Variants in ROBO2 observed in about 807,000 individuals in gnomAD.
The protein encoded by ROBO2 is roundabout homolog 2.
In ROBO2, 53 loss-of-function variants were observed where a neutral mutation model predicts 160.8. The observed-to-expected ratio is 0.33, with a 90% CI of 0.26 to 0.41. ROBO2 has a LOEUF of 0.41. ROBO2 is among the 10% of genes least tolerant of loss of function. The pLI is 1.00. For synonymous variants in ROBO2, 664 were observed against 611.7 expected (o/e 1.09, Z -1.26); for missense variants, 1,577 against 1,722.4 (o/e 0.92, Z 1.49).
intron 2 of ROBO2, among the ~76,000 whole-genome samples, chr3:76,429,074 T>C (rs2076332538): frequency 1.3e-5 from 2 of 152,158 alleles, no homozygotes; most frequent in African/African-American, 4.8e-5. Flanking sequence ...GACTTCCTAA[T>C]ATATACCTAT....
intron 2 of ROBO2, among the ~76,000 whole-genome samples, chr3:76,839,888 A>G (rs1344833013): frequency 3.3e-5 from 5 of 152,174 alleles, no homozygotes; most frequent in African/African-American, 1.2e-4. Flanking sequence ...TCATGGATAA[A>G]TCTTGGTAGA....
intron 2 of ROBO2, among the ~76,000 whole-genome samples, chr3:76,511,234 G>C (rs1182303312): frequency 6.6e-6 from 1 of 152,130 alleles, no homozygotes; most frequent in Non-Finnish European, 1.5e-5. Context: ...GTATAAACTT[G>C]CTGTGATATG....
intron 2 of ROBO2, among the ~76,000 whole-genome samples, chr3:77,136,641 AT>A (rs1328396109): frequency 2.5e-3 from 351 of 140,172 alleles, no homozygotes; most frequent in Middle Eastern, 3.8e-3. Context: ...CACCCAATTA[AT>A]TTTTTTTTTT....
chr3:76,892,037 A>T (rs1443968931), intron 2 of ROBO2, among the ~76,000 whole-genome samples: 1 of 150,298 alleles, frequency 6.7e-6, no homozygotes, highest in African/African-American at 2.5e-5. Context: ...TCTCGTGGGA[A>T]TGGAGGTGAC....
At chr3:76,577,270 T>C (rs2085368875) in intron 2 of ROBO2, among the ~76,000 whole-genome samples, 1 of 152,096 alleles carries the variant, frequency 6.6e-6, no homozygotes, top group Non-Finnish European at 1.5e-5. Context: ...GCCTCAAAAA[T>C]CTATCAGCAA....
chr3:76,317,442 A>G (rs2072127372), intron 2 of ROBO2, among the ~76,000 whole-genome samples: 1 of 152,098 alleles, frequency 6.6e-6, no homozygotes. Flanking sequence ...AGACTCATGT[A>G]GGAAGTAGTG....
At chr3:76,080,047 C>A (rs181215141) in intron 2 of ROBO2, among the ~76,000 whole-genome samples, 2 of 152,062 alleles carry the variant, frequency 1.3e-5, no homozygotes, top group Non-Finnish European at 2.9e-5. Context: ...ATGCTTTTCC[C>A]TTTTGTGTAG....
chr3:77,235,343 T>G (rs2151313147), intron 2 of ROBO2, among the ~76,000 whole-genome samples: 1 of 151,290 alleles, frequency 6.6e-6, no homozygotes, highest in East Asian at 1.9e-4. Context: ...TTCTATAATA[T>G]GAGAGGAGAA....
At chr3:76,160,626 TA>T (rs1173082601) in intron 2 of ROBO2, among the ~76,000 whole-genome samples, 3 of 152,326 alleles carry the variant, frequency 2.0e-5, no homozygotes, top group Admixed American at 6.5e-5. Context: ...AAACTTTTTG[TA>T]AAGGATCAGT....
chr3:76,316,954 A>T (rs1474159999), intron 2 of ROBO2, among the ~76,000 whole-genome samples: 2 of 152,190 alleles, frequency 1.3e-5, no homozygotes, highest in Non-Finnish European at 2.9e-5. Context: ...AAATAACCCC[A>T]ACCACTACAC....
chr3:77,321,412 G>C (rs1398754415), intron 2 of ROBO2, among the ~76,000 whole-genome samples: 1 of 152,048 alleles, frequency 6.6e-6, no homozygotes, highest in Non-Finnish European at 1.5e-5. Flanking sequence ...AGCTGCTTGG[G>C]CGGTTGAGAT....
At chr3:76,476,663 G>A (rs1367404528) in intron 2 of ROBO2, among the ~76,000 whole-genome samples, 1 of 152,118 alleles carries the variant, frequency 6.6e-6, no homozygotes, top group East Asian at 1.9e-4. Flanking sequence ...CTATTGGCAT[G>A]AATCTACAAG....
intron 2 of ROBO2, among the ~76,000 whole-genome samples, chr3:76,157,584 G>T (rs2072457675): frequency 6.6e-6 from 1 of 152,016 alleles, no homozygotes; most frequent in Non-Finnish European, 1.5e-5. Context: ...AGAAGTGGTG[G>T]TTCTCATTTA....
chr3:77,577,371 T>C, intron 14 of ROBO2, 119 bp from the exon 16 acceptor site: 1 of 1,262,778 alleles, frequency 7.9e-7, no homozygotes, highest in Non-Finnish European at 1.2e-6. Context: ...ACCGTGTGCA[T>C]TCAGAACTCC....
chr3:76,148,144 A>G (rs1159731259), intron 2 of ROBO2, among the ~76,000 whole-genome samples: 1 of 151,956 alleles, frequency 6.6e-6, no homozygotes, highest in Non-Finnish European at 1.5e-5. Context: ...GTTGTTAGGA[A>G]TGGTTTCACT....
chr3:77,254,934 T>G (rs1297891225), intron 2 of ROBO2, among the ~76,000 whole-genome samples: 1 of 152,192 alleles, frequency 6.6e-6, no homozygotes, highest in Non-Finnish European at 1.5e-5. Context: ...AATTGCCAGT[T>G]TTGTGTGTAA....
chr3:76,465,903 G>A (rs567769439), intron 2 of ROBO2, among the ~76,000 whole-genome samples: 61 of 151,536 alleles, frequency 4.0e-4, no homozygotes, highest in African/African-American at 1.4e-3. Context: ...GATAAGCAAA[G>A]ACAAAAAAAC....
chr3:76,758,600 G>T (rs947327494), intron 2 of ROBO2, among the ~76,000 whole-genome samples: 14 of 151,742 alleles, frequency 9.2e-5, no homozygotes, highest in Non-Finnish European at 2.1e-4. Context: ...TGCTTTTTGA[G>T]GATTGCACCA....
At chr3:76,541,343 A>G (rs2082805209) in intron 2 of ROBO2, among the ~76,000 whole-genome samples, 1 of 152,220 alleles carries the variant, frequency 6.6e-6, no homozygotes. Flanking sequence ...TGACACAGCT[A>G]TGCTTTATCC....
Sources: allele counts gnomAD v4.1 joint callset (sites outside exome capture counted in the v4.1 genomes callset), GRCh38; gene constraint gnomAD v4.1.1; transcripts MANE v1.5; gene names NCBI Gene and HGNC (gene_info 2026-07-23, HGNC 2026-07-21).